The following SLC44A5 variants were observed in gnomAD, a reference collection of about 807,000 sequenced individuals.
SLC44A5 encodes the protein solute carrier family 44 member 5.
SLC44A5 carries 57 observed loss-of-function variants against 101.8 expected under a neutral mutation model. That is an observed-to-expected ratio of 0.56 (90% CI 0.45 to 0.70). The LOEUF (loss-of-function observed/expected upper bound fraction) is 0.70, where lower values mean the gene tolerates loss of function less well. Ranked by LOEUF, SLC44A5 falls within the 30% of genes least tolerant of loss-of-function variation. The pLI is 0.00. For missense variants in SLC44A5, 737 were observed against 853.1 expected (o/e 0.86, Z 1.70); for synonymous variants, 281 against 290.9 (o/e 0.97, Z 0.35).
chr1:75,563,439 C>G (rs1672627456), intron 1 of SLC44A5, among the ~76,000 whole-genome samples: 1 of 151,920 alleles, frequency 6.6e-6, no homozygotes, highest in Non-Finnish European at 1.5e-5. Context: ...GCTCTACATA[C>G]TCTGCATGCC....
At chr1:75,420,092 T>C (rs931548322) in intron 2 of SLC44A5, among the ~76,000 whole-genome samples, 6 of 152,008 alleles carry the variant, frequency 3.9e-5, no homozygotes, top group South Asian at 2.1e-4. Context: ...CCAGGAGAAA[T>C]GGCTCATCCC....
At position 75,234,058 on chromosome 1, in the gene SLC44A5, T is replaced by C; in HGVS notation, c.781A>G (p.Ile261Val). The C allele has an allele frequency of 2.5e-6, 4 of 1,613,372 alleles. No homozygotes were observed. Among genetic ancestry groups the C allele is most frequent in the Non-Finnish European group, 3.4e-6 (4 of 1,179,620 alleles). Residue 261 changes from isoleucine to valine, a missense_variant, in exon 12 of 24, where the codon ATA (isoleucine) becomes GTA (valine). By Grantham distance (29) the Ile-to-Val change is conservative (BLOSUM62 3). This residue lies in a region of SLC44A5 where 665 missense variants were observed against 764.4 expected (regional missense o/e 0.87). Transcript: ENST00000370859. Reference sequence around the variant, plus strand: ...CATCCAGCTATGAACCTCAGAAGTATCAAAAATATCCAACTAAGGACCATG... The same window carrying C: ...CATCCAGCTATGAACCTCAGAAGTACCAAAAATATCCAACTAAGGACCATG... The part of the protein sequence containing the change: ...IAMVLSWIFL[I>V]LLRFIAGCLF...
chr1:75,678,444 G>T, the SLC44A5 span, among the ~76,000 whole-genome samples: 10 of 152,052 alleles, frequency 6.6e-5, no homozygotes, highest in Non-Finnish European at 1.0e-4. Context: ...CCTCAAGTGG[G>T]TCCCTGACCC....
intron 2 of SLC44A5, among the ~76,000 whole-genome samples, chr1:75,515,422 T>C (rs1669777928): frequency 6.6e-6 from 1 of 152,174 alleles, no homozygotes; most frequent in Non-Finnish European, 1.5e-5. Context: ...CTTTAACCAT[T>C]ATCTTCCCAT....
chr1:75,307,037 C>T (rs1285797172), intron 4 of SLC44A5, among the ~76,000 whole-genome samples: 5 of 152,048 alleles, frequency 3.3e-5, no homozygotes, highest in African/African-American at 2.4e-5. Context: ...CGCGCCCGGC[C>T]GGTTTCCTTT....
chr1:75,535,448 G>C (rs1670945942), intron 2 of SLC44A5, among the ~76,000 whole-genome samples: 1 of 152,130 alleles, frequency 6.6e-6, no homozygotes, highest in Admixed American at 6.5e-5. Context: ...CCATCGTGTG[G>C]AAACAATGCC....
At chr1:75,222,598 C>T (rs1299779651) in intron 13 of SLC44A5, 138 bp from the exon 14 acceptor site, 6 of 557,432 alleles carry the variant, frequency 1.1e-5, no homozygotes. Context: ...GTTATCTCTC[C>T]AAAAATGCCA....
chr1:75,620,546 G>T, the SLC44A5 span, among the ~76,000 whole-genome samples: 2 of 151,986 alleles, frequency 1.3e-5, no homozygotes, highest in Admixed American at 6.6e-5. Context: ...CTGGTATCTC[G>T]TTGTGGTTTT....
chr1:75,490,113 C>T (rs940570159), intron 2 of SLC44A5, among the ~76,000 whole-genome samples: 1 of 151,964 alleles, frequency 6.6e-6, no homozygotes, highest in African/African-American at 2.4e-5. Flanking sequence ...TAATATTTGT[C>T]TATTATTTTA....
intron 5 of SLC44A5, among the ~76,000 whole-genome samples, chr1:75,292,674 CAGA>C (rs946657708): frequency 7.9e-5 from 12 of 152,102 alleles, no homozygotes; most frequent in African/African-American, 2.9e-4. Context: ...ATGATCTTTG[CAGA>C]AGAATACCTG....
In SLC44A5 at chr1:75,519,099, G is replaced by T. The variant is rs150657720; in HGVS notation, c.13+22336C>A. On this transcript the variant is annotated intron_variant, in intron 2 of 23. Coordinates refer to ENST00000370859, the MANE Select transcript of SLC44A5 (RefSeq NM_001130058.2). The stretch of plus-strand genomic sequence containing the variant: ...ATTTTTTCATTTGAACCCACAAACA[G>T]GGCTTTGGTGTTATAACTCTGAATA... Among the ~76,000 whole-genome samples the T allele has an allele frequency of 5.7e-3, 864 of 152,104 alleles. 17 individuals are homozygous for T. Among genetic ancestry groups the T allele is most frequent in the Admixed American group, 0.039 (601 of 15,278 alleles).
At chr1:75,339,368 C>A (rs192461999) in intron 4 of SLC44A5, among the ~76,000 whole-genome samples, 1 of 152,140 alleles carries the variant, frequency 6.6e-6, no homozygotes, top group African/African-American at 2.4e-5. Flanking sequence ...TAAGGCAGTT[C>A]ATTTGCTAAT....
At chr1:75,233,733 A>G (rs1647810367) in intron 12 of SLC44A5, among the ~76,000 whole-genome samples, 1 of 152,162 alleles carries the variant, frequency 6.6e-6, no homozygotes, top group Admixed American at 6.6e-5. Flanking sequence ...AGTATCCATG[A>G]GGCAGGAGAC....
chr1:75,331,651 G>C (rs573553566), intron 4 of SLC44A5, among the ~76,000 whole-genome samples: 25 of 152,230 alleles, frequency 1.6e-4, no homozygotes, highest in African/African-American at 6.0e-4. Context: ...ACCCTCACAT[G>C]ACTTTTCCAC....
chr1:75,674,613 C>T, the SLC44A5 span, among the ~76,000 whole-genome samples: 36 of 27,478 alleles, frequency 1.3e-3, no homozygotes, highest in East Asian at 0.013. Flanking sequence ...CTCCTGAGCT[C>T]GGGTGATCCC....
chr1:75,560,131 T>C (rs1256685071), intron 1 of SLC44A5, among the ~76,000 whole-genome samples: 3 of 152,094 alleles, frequency 2.0e-5, no homozygotes, highest in African/African-American at 7.2e-5. Flanking sequence ...AGTTTCACAG[T>C]TTCTCAAAAA....
chr1:75,259,133 C>T (rs1650271315), intron 6 of SLC44A5, among the ~76,000 whole-genome samples: 1 of 152,114 alleles, frequency 6.6e-6, no homozygotes, highest in Admixed American at 6.5e-5. Flanking sequence ...TGCAAAGGAT[C>T]ACAACTCCTC....
At chr1:75,297,043 C>CTACA (rs981494981) in intron 5 of SLC44A5, among the ~76,000 whole-genome samples, 4 of 152,122 alleles carry the variant, frequency 2.6e-5, no homozygotes, top group African/African-American at 9.7e-5. Flanking sequence ...CACGTAGCTG[C>CTACA]TACACATAGC....
At chr1:75,361,252 G>A (rs1178130329) in intron 3 of SLC44A5, among the ~76,000 whole-genome samples, 1 of 152,040 alleles carries the variant, frequency 6.6e-6, no homozygotes, top group African/African-American at 2.4e-5. Flanking sequence ...CATGTCATTA[G>A]CAAGCAGACA....
Sources: gnomAD v4.1 joint callset for allele counts (sites outside exome capture counted in the v4.1 genomes callset) on GRCh38, gnomAD v4.1.1 for gene constraint, gnomAD v4.1.1 regional missense constraint, MANE v1.5 for transcripts, NCBI Gene and HGNC (gene_info 2026-07-23, HGNC 2026-07-21) for gene names.